RHAG: variants seen among roughly 807,000 people sequenced by gnomAD.
RHAG encodes Rh associated glycoprotein.
RHAG carries 25 observed loss-of-function variants against 42.4 expected under a neutral mutation model. That is an observed-to-expected ratio of 0.59 (90% CI 0.43 to 0.82). The LOEUF (loss-of-function observed/expected upper bound fraction) is 0.82, where lower values mean the gene tolerates loss of function less well. RHAG is among the 40% of genes least tolerant of loss of function. RHAG has a pLI of 0.00. For missense variants in RHAG, 483 were observed against 504.6 expected (o/e 0.96, Z 0.41); for synonymous variants, 182 against 177.7 (o/e 1.02, Z -0.19).
intron 3 of RHAG, among the ~76,000 whole-genome samples, chr6:49,617,804 C>A (rs1270222226): frequency 6.6e-6 from 1 of 152,164 alleles, no homozygotes; most frequent in African/African-American, 2.4e-5. Context: ...AGCCATTCAG[C>A]ATCTGTGATA....
At chr6:49,621,266 C>T (rs532609429) in intron 1 of RHAG, among the ~76,000 whole-genome samples, 51 of 152,252 alleles carry the variant, frequency 3.3e-4, no homozygotes, top group African/African-American at 1.1e-3. Context: ...TCAGGAGTGC[C>T]GCCAGATGAA....
chr6:49,606,243 A>G (rs1356873400), intron 9 of RHAG, among the ~76,000 whole-genome samples: 1 of 152,182 alleles, frequency 6.6e-6, no homozygotes, highest in Non-Finnish European at 1.5e-5. Flanking sequence ...TTTTATGTAT[A>G]GCATAGTTTA....
intron 1 of RHAG, among the ~76,000 whole-genome samples, chr6:49,628,264 C>G (rs1385066873): frequency 6.6e-6 from 1 of 152,026 alleles, no homozygotes; most frequent in Non-Finnish European, 1.5e-5. Flanking sequence ...CCTCCGCCTC[C>G]TGAGTAGCTG....
At chr6:49,634,185 T>C (rs900726778) in intron 1 of RHAG, among the ~76,000 whole-genome samples, 1 of 152,164 alleles carries the variant, frequency 6.6e-6, no homozygotes, top group Non-Finnish European at 1.5e-5. Flanking sequence ...TGTTGCTAAC[T>C]ACAGTCACCT....
chr6:49,612,444 C>T lies in RHAG; in HGVS notation c.898G>A (p.Gly300Arg). The T allele has an allele frequency of 6.2e-7, 1 of 1,614,076 alleles. No individual in the cohort carries two copies. Among genetic ancestry groups the T allele is most frequent in the Non-Finnish European group, 8.5e-7 (1 of 1,179,972 alleles). ...ACAGAGACCATTCCTGCAATGCTCC[C>T]AATAATCATAGAACCAAATGGGTGA... is the stretch of plus-strand genomic sequence containing the variant. ...AIHPFGSMII[G>R]SIAGMVSVLG... Residue 300 changes from glycine to arginine, a missense_variant, in exon 6 of 10, where the codon GGG (glycine) becomes AGG (arginine). Gly to Arg is a moderately radical substitution (Grantham distance 125, BLOSUM62 -2). Transcript: ENST00000371175.
At chr6:49,630,095 G>GCA (rs1248536287) in intron 1 of RHAG, among the ~76,000 whole-genome samples, 1 of 152,222 alleles carries the variant, frequency 6.6e-6, no homozygotes, top group East Asian at 1.9e-4. Flanking sequence ...AGGACTGCCA[G>GCA]CACGCTGTCA....
At chr6:49,612,986 T>G (rs1220318640) in intron 5 of RHAG, among the ~76,000 whole-genome samples, 1 of 152,100 alleles carries the variant, frequency 6.6e-6, no homozygotes, top group African/African-American at 2.4e-5. Context: ...GACATTGAAA[T>G]GTACACATTA....
chr6:49,632,117 G>T (rs536524859), intron 1 of RHAG: 1 of 152,262 alleles, frequency 6.6e-6, no homozygotes, highest in African/African-American at 2.4e-5. Context: ...GATCGTATTT[G>T]CCTTTTGTGT....
chr6:49,622,653 A>C (rs187182702), intron 1 of RHAG, among the ~76,000 whole-genome samples: 2 of 152,258 alleles, frequency 1.3e-5, no homozygotes, highest in East Asian at 3.9e-4. Context: ...ACTGTAAGTC[A>C]AATAAACTTC....
rs1228939953 is a variant in RHAG, at chr6:49,615,922, CAG to C, written c.493-153_493-152del. 174 of 769,344 alleles carry C rather than the reference CAG, an allele frequency of 2.3e-4. No individual in the cohort carries two copies. In the East Asian group the frequency reaches 4.5e-3, roughly 20 times the overall value. The allele number at this position is 769,344 out of a possible 1,614,324, so 47.7% of individuals were successfully genotyped here. ...TTGTGTCAGAGAAAGGGGGGTAAAA[CAG>C]GGAGTAAAACAGAAATAGTACAGAA... On this transcript the variant is annotated intron_variant, in intron 3 of 9. Transcript: ENST00000371175.
intron 1 of RHAG, among the ~76,000 whole-genome samples, chr6:49,628,445 A>T (rs1220105521): frequency 6.6e-6 from 1 of 152,076 alleles, no homozygotes; most frequent in East Asian, 1.9e-4. Context: ...TCTTGGTCTC[A>T]CTGACTTCAA....
chr6:49,619,878 G>A (rs1447187442), intron 1 of RHAG, among the ~76,000 whole-genome samples: 1 of 152,118 alleles, frequency 6.6e-6, no homozygotes, highest in East Asian at 1.9e-4. Context: ...TGATTGAAGG[G>A]GTTTGGAACC....
chr6:49,623,280 G>A (rs1304869050), intron 1 of RHAG, among the ~76,000 whole-genome samples: 2 of 152,190 alleles, frequency 1.3e-5, no homozygotes, highest in Non-Finnish European at 2.9e-5. Context: ...ATTAATGAGA[G>A]CTTAAAAGTT....
rs202048676 is a variant in RHAG at position 49,605,778 on chromosome 6, C to A, written c.*35G>T. On this transcript the variant is annotated 3_prime_UTR_variant, in exon 10 of 10. Transcript: ENST00000371175. ...TGTTTAGACTTCAGGTTCCAGCTGG[C>A]TGTGGTCACCATGTCCATGGAACTG... 272 of 1,606,326 alleles carry A rather than the reference C, an allele frequency of 1.7e-4. No homozygotes were observed. In the African/African-American group the frequency reaches 3.3e-3, roughly 20 times the overall value.
intron 1 of RHAG, among the ~76,000 whole-genome samples, chr6:49,631,485 T>A (rs1392686215): frequency 6.6e-6 from 1 of 152,218 alleles, no homozygotes; most frequent in Non-Finnish European, 1.5e-5. Flanking sequence ...TTATTTGAAT[T>A]TCTATTACCA....
intron 4 of RHAG, 200 bp downstream of exon 4, chr6:49,615,424 T>A (rs1762638093): frequency 1.8e-6 from 1 of 551,408 alleles, no homozygotes; most frequent in Non-Finnish European, 3.2e-6. Flanking sequence ...AGATGGAGTC[T>A]CATTATGTTA....
intron 1 of RHAG, among the ~76,000 whole-genome samples, chr6:49,630,102 G>C (rs1762912533): frequency 6.6e-6 from 1 of 152,202 alleles, no homozygotes; most frequent in African/African-American, 2.4e-5. Context: ...CCAGCACGCT[G>C]TCACCTCTCA....
intron 1 of RHAG, among the ~76,000 whole-genome samples, chr6:49,633,768 G>C (rs183465285): frequency 2.6e-5 from 4 of 152,092 alleles, no homozygotes; most frequent in African/African-American, 4.8e-5. Flanking sequence ...GGTGGAGAGA[G>C]GCTGAAAAAA....
intron 1 of RHAG, among the ~76,000 whole-genome samples, chr6:49,620,186 C>A (rs562517116): frequency 1.3e-5 from 2 of 152,264 alleles, no homozygotes; most frequent in East Asian, 1.9e-4. Context: ...TGACCCTGGG[C>A]AAGTCACTTA....
Sources: allele counts gnomAD v4.1 joint callset (sites outside exome capture counted in the v4.1 genomes callset), GRCh38; gene constraint gnomAD v4.1.1; transcripts MANE v1.5; gene names NCBI Gene and HGNC (gene_info 2026-07-23, HGNC 2026-07-21).